Variants in HSD17B12 observed in about 807,000 individuals in gnomAD.
HSD17B12 encodes very-long-chain 3-oxoacyl-CoA reductase.
Under a neutral mutation model 39.3 loss-of-function variants are expected in HSD17B12, and 32 were observed. The ratio of observed to expected loss-of-function variants is 0.81; its 90% confidence interval spans 0.61 to 1.09. The LOEUF (loss-of-function observed/expected upper bound fraction) is 1.09, where lower values mean the gene tolerates loss of function less well. HSD17B12 is among the 50% of genes least tolerant of loss of function. The pLI is 0.00. For synonymous variants in HSD17B12, 150 were observed against 146.7 expected, an observed-to-expected ratio of 1.02 and a Z score of -0.16; for missense variants, 342 against 382.9, an observed-to-expected ratio of 0.89 and a Z score of 0.89.
intron 1 of HSD17B12, among the ~76,000 whole-genome samples, chr11:43,742,135 A>T (rs1465676835): frequency 0.015 from 996 of 67,518 alleles, 12 homozygotes; most frequent in East Asian, 0.048. Flanking sequence ...ATATATATAT[A>T]TATATTTTTT....
chr11:43,693,422 A>G (rs746647858), intron 1 of HSD17B12, among the ~76,000 whole-genome samples: 2 of 152,198 alleles, frequency 1.3e-5, no homozygotes, highest in Non-Finnish European at 1.5e-5. Flanking sequence ...ACTCTTAAAG[A>G]AATGATATGT....
At chr11:43,821,394 C>A (rs1341811916) in intron 6 of HSD17B12, among the ~76,000 whole-genome samples, 1 of 152,162 alleles carries the variant, frequency 6.6e-6, no homozygotes, top group African/African-American at 2.4e-5. Context: ...GCAGGTAGAT[C>A]AGTCTCAAAC....
At chr11:43,720,145 A>G (rs17597526) in intron 1 of HSD17B12, among the ~76,000 whole-genome samples, 23,406 of 152,142 alleles carry the variant, frequency 0.15, 1,965 homozygotes, top group Non-Finnish European at 0.19. Flanking sequence ...CTCCCCAGAG[A>G]CCATTTTTAA....
intron 1 of HSD17B12, among the ~76,000 whole-genome samples, chr11:43,687,553 G>A (rs976785966): frequency 1.3e-5 from 2 of 152,198 alleles, no homozygotes; most frequent in African/African-American, 4.8e-5. Flanking sequence ...GACAGGAAGG[G>A]CAGAGGGAAG....
At chr11:43,704,257 A>G (rs761027954) in intron 1 of HSD17B12, among the ~76,000 whole-genome samples, 21 of 152,238 alleles carry the variant, frequency 1.4e-4, no homozygotes, top group Non-Finnish European at 2.6e-4. Context: ...TTAGAGGCAT[A>G]AGTTGATGTA....
At chr11:43,754,978 C>T (rs1210251470) in intron 3 of HSD17B12, 20 of 680,272 alleles carry the variant, frequency 2.9e-5, no homozygotes, top group Non-Finnish European at 5.0e-5. Context: ...TTTGGTAAAA[C>T]ATACTAACTG....
chr11:43,732,829 A>G (rs1335037711), intron 1 of HSD17B12, among the ~76,000 whole-genome samples: 1 of 152,104 alleles, frequency 6.6e-6, no homozygotes, highest in Non-Finnish European at 1.5e-5. Flanking sequence ...CTGAAGTGCA[A>G]TGACATGATC....
chr11:43,583,214 C>A, the HSD17B12 span, among the ~76,000 whole-genome samples: 1 of 152,236 alleles, frequency 6.6e-6, no homozygotes, highest in African/African-American at 2.4e-5. Context: ...GCAGCGCAGG[C>A]GGCTCAGGGT....
At chr11:43,830,755 T>C in intron 6 of HSD17B12, 1 of 350,310 alleles carries the variant, frequency 2.9e-6, no homozygotes, top group East Asian at 4.8e-5. Context: ...GCCAGGTTCA[T>C]TAAAGTATTC....
the HSD17B12 span, among the ~76,000 whole-genome samples, chr11:43,617,327 A>G: frequency 6.6e-6 from 1 of 152,124 alleles, no homozygotes; most frequent in South Asian, 2.1e-4. Flanking sequence ...TCCCTGAAAT[A>G]TTAGTAATTC....
At position 43,680,849 on chromosome 11, in the gene HSD17B12, G is replaced by A. The variant is rs764576855; in HGVS notation, c.22G>A (p.Ala8Thr). 6.2e-7 allele frequency: 1 copy of A among 1,614,078 alleles called. No individual in the cohort carries two copies. Residue 8 changes from alanine (A) to threonine (T), a missense_variant, in exon 1 of 11, where the codon GCC becomes ACC. Transcript: ENST00000278353. ...AGCCATGGAGAGCGCTCTCCCCGCC[G>A]CCGGCTTCCTGTACTGGGTCGGCGC... is the stretch of plus-strand genomic sequence containing the variant. MESALPA[A>T]GFLYWVGAGT...
the HSD17B12 span, among the ~76,000 whole-genome samples, chr11:43,659,889 T>C: frequency 6.6e-6 from 1 of 152,188 alleles, no homozygotes; most frequent in African/African-American, 2.4e-5. Flanking sequence ...AGTTCGAAAG[T>C]CTACCAGTGC....
chr11:43,812,366 G>A (rs376289795), intron 4 of HSD17B12, among the ~76,000 whole-genome samples: 31 of 152,204 alleles, frequency 2.0e-4, no homozygotes, highest in South Asian at 1.2e-3. Context: ...CTTTCTCTGC[G>A]TCCTTGCCAG....
chr11:43,815,374 T>G (rs1951112188), intron 4 of HSD17B12, 63 bp from the exon 5 acceptor site: 1 of 890,554 alleles, frequency 1.1e-6, no homozygotes, highest in Non-Finnish European at 1.8e-6. Context: ...TTTAATGTCA[T>G]TATTTTAACA....
At chr11:43,645,109 A>G in the HSD17B12 span, 1 of 152,204 alleles carries the variant, frequency 6.6e-6, no homozygotes, top group African/African-American at 2.4e-5. Context: ...GTTTCTCTGC[A>G]TGTTGGGACC....
intron 1 of HSD17B12, among the ~76,000 whole-genome samples, chr11:43,712,177 C>T (rs945880523): frequency 2.0e-4 from 31 of 152,038 alleles, no homozygotes; most frequent in Admixed American, 2.0e-3. Flanking sequence ...GCCTCTAATC[C>T]CAGGACTTTG....
At chr11:43,854,661 T>G in intron 9 of HSD17B12, 54 bp from the exon 10 acceptor site, 1 of 1,587,804 alleles carries the variant, frequency 6.3e-7, no homozygotes, top group Non-Finnish European at 8.6e-7. Context: ...CATTCTGAGT[T>G]TGTGGCCTTA....
At chr11:43,559,256 A>T in the HSD17B12 span, among the ~76,000 whole-genome samples, 1 of 152,210 alleles carries the variant, frequency 6.6e-6, no homozygotes, top group Non-Finnish European at 1.5e-5. Flanking sequence ...AAGAAAAAAA[A>T]ATCTGGTCCT....
intron 3 of HSD17B12, among the ~76,000 whole-genome samples, chr11:43,768,950 T>C (rs1675064890): frequency 6.6e-6 from 1 of 152,234 alleles, no homozygotes; most frequent in African/African-American, 2.4e-5. Context: ...TGCTGACTGA[T>C]ACATTTACAA....
Sources: gnomAD v4.1 joint callset for allele counts (sites outside exome capture counted in the v4.1 genomes callset) on GRCh38, gnomAD v4.1.1 for gene constraint, MANE v1.5 for transcripts, NCBI Gene and HGNC (gene_info 2026-07-23, HGNC 2026-07-21) for gene names.